Variants in CUX1 observed in about 807,000 individuals in gnomAD.
The protein encoded by CUX1 is cut like homeobox 1.
A neutral mutation model predicts 158.8 loss-of-function variants in CUX1; 31 were observed. The observed-to-expected ratio is 0.20, with a 90% confidence interval of 0.15 to 0.26. The LOEUF is 0.26. CUX1 is among the 10% of genes least tolerant of loss of function. CUX1 has a pLI of 1.00. For synonymous variants in CUX1, 879 were observed against 862.1 expected, an observed-to-expected ratio of 1.02 and a Z score of -0.34; for missense variants, 1,589 against 2,014.6, an observed-to-expected ratio of 0.79 and a Z score of 4.04.
downstream of CUX1, among the ~76,000 whole-genome samples, chr7:102,262,377 G>A (rs538793866): frequency 1.4e-4 from 7 of 50,742 alleles, no homozygotes; most frequent in South Asian, 6.2e-4. Flanking sequence ...CAGCCTGGGC[G>A]ACAAAGCAAG....
chr7:101,822,069 T>C (rs1026514349), intron 1 of CUX1, among the ~76,000 whole-genome samples: 18 of 152,002 alleles, frequency 1.2e-4, no homozygotes, highest in African/African-American at 3.1e-4. Flanking sequence ...TTAGCCAGGA[T>C]GGTCTCGATC....
chr7:101,823,604 G>A (rs1339069630), intron 1 of CUX1, among the ~76,000 whole-genome samples: 1 of 152,176 alleles, frequency 6.6e-6, no homozygotes, highest in Non-Finnish European at 1.5e-5. Flanking sequence ...GAAGTGGCTT[G>A]TTCTTTCTTG....
chr7:102,123,608 C>CAA (rs1248618884), intron 8 of CUX1, among the ~76,000 whole-genome samples: 22,120 of 88,176 alleles, frequency 0.25, 2,142 homozygotes, highest in Middle Eastern at 0.33. Flanking sequence ...GACTCCGTCT[C>CAA]AAAAAAAAAA....
Position 102,060,608 on chromosome 7 carries a change from A to ACACACACACAC in CUX1, c.190-9731_190-9730insCACACACACAC, listed in dbSNP as rs1824723298. Among the ~76,000 whole-genome samples the ACACACACACAC allele has an allele frequency of 5.1e-4, 68 of 133,304 alleles. 1 individual carries two copies. In the East Asian group the frequency reaches 6.0e-3, roughly 12 times the overall value. The allele number at this position is 133,304 out of a possible 152,430, so 87.5% of individuals were successfully genotyped here. On this transcript the variant is annotated intron_variant, in intron 3 of 23. Transcript: ENST00000292535. ...ATATATATATACACACACACAAATA[A>ACACACACACAC]ACACACACACACACACACACACACA...
chr7:102,206,672 G>GC (rs1554521360), intron 20 of CUX1, among the ~76,000 whole-genome samples: 1 of 152,168 alleles, frequency 6.6e-6, no homozygotes. Flanking sequence ...CGAGGTGGGT[G>GC]CATCACCTGA....
chr7:102,008,873 G>T (rs1463611818), intron 2 of CUX1, among the ~76,000 whole-genome samples: 2 of 152,166 alleles, frequency 1.3e-5, no homozygotes. Context: ...TTCCTGGTGG[G>T]CACAGATGTA....
chr7:102,060,138 C>T (rs1585468578), intron 3 of CUX1, among the ~76,000 whole-genome samples: 1 of 151,842 alleles, frequency 6.6e-6, no homozygotes, highest in Non-Finnish European at 1.5e-5. Context: ...AGTAGCTGGG[C>T]GTGGTAGTGG....
chr7:102,186,611 GC>G (rs1793656909), intron 11 of CUX1, among the ~76,000 whole-genome samples: 1 of 149,600 alleles, frequency 6.7e-6, no homozygotes, highest in Admixed American at 6.7e-5. Context: ...TTTTATTTAT[GC>G]CTATTTTTCA....
intron 2 of CUX1, among the ~76,000 whole-genome samples, chr7:102,017,348 ATTC>A (rs1818741077): frequency 6.6e-6 from 1 of 150,856 alleles, no homozygotes; most frequent in Non-Finnish European, 1.5e-5. Flanking sequence ...CTCTTCATTC[ATTC>A]AGTCCACAAG....
intron 3 of CUX1, among the ~76,000 whole-genome samples, chr7:102,065,613 C>T (rs750816265): frequency 3.9e-5 from 6 of 152,176 alleles, no homozygotes; most frequent in Non-Finnish European, 8.8e-5. Flanking sequence ...TTAAACTCAT[C>T]GGCCTGACCG....
intron 1 of CUX1, among the ~76,000 whole-genome samples, chr7:101,886,767 T>G (rs1214080147): frequency 2.0e-5 from 3 of 152,228 alleles, no homozygotes; most frequent in South Asian, 4.1e-4. Flanking sequence ...GGCCTGGCCT[T>G]TGGAGGAGGC....
chr7:102,071,569 C>T (rs750986417), intron 4 of CUX1, among the ~76,000 whole-genome samples: 6 of 152,030 alleles, frequency 3.9e-5, no homozygotes, highest in Non-Finnish European at 5.9e-5. Context: ...CCACCCATTA[C>T]AGTTGTGCCC....
intron 2 of CUX1, among the ~76,000 whole-genome samples, chr7:102,011,908 A>G (rs539294097): frequency 6.6e-6 from 1 of 151,814 alleles, no homozygotes; most frequent in South Asian, 2.1e-4. Context: ...CCCTGGGTTC[A>G]AGTGATTCTC....
intron 2 of CUX1, among the ~76,000 whole-genome samples, chr7:101,980,871 T>C (rs1165145182): frequency 1.3e-5 from 2 of 152,192 alleles, no homozygotes; most frequent in Non-Finnish European, 2.9e-5. Context: ...CTGCGCTTCC[T>C]GACTCCTCTC....
At chr7:102,058,224 CA>C (rs752598740) in intron 3 of CUX1, among the ~76,000 whole-genome samples, 4 of 152,120 alleles carry the variant, frequency 2.6e-5, no homozygotes, top group African/African-American at 4.8e-5. Context: ...ACTGGAAAAT[CA>C]AAAAATTTAT....
At chr7:102,141,002 G>T (rs1409945335) in intron 8 of CUX1, among the ~76,000 whole-genome samples, 1 of 152,044 alleles carries the variant, frequency 6.6e-6, no homozygotes, top group Non-Finnish European at 1.5e-5. Flanking sequence ...GTATTTTAGT[G>T]ATTAGACAGG....
chr7:102,189,786 A>G (rs1401055598), intron 11 of CUX1, 27 bp from the exon 12 acceptor site: 5 of 1,613,548 alleles, frequency 3.1e-6, no homozygotes, highest in African/African-American at 1.3e-5. Context: ...AGGCATGGCC[A>G]CTGATCAAAT....
At chr7:102,182,244 T>G (rs533499255) in intron 11 of CUX1, among the ~76,000 whole-genome samples, 3 of 152,352 alleles carry the variant, frequency 2.0e-5, no homozygotes, top group African/African-American at 7.2e-5. Context: ...TGACAGTCAC[T>G]TGGGGAGAGG....
chr7:101,894,941 T>A (rs1367025651), intron 1 of CUX1, among the ~76,000 whole-genome samples: 2 of 152,088 alleles, frequency 1.3e-5, no homozygotes, highest in Non-Finnish European at 2.9e-5. Context: ...AGTGCTGGGA[T>A]GGTGACCTCC....
Sources: gnomAD v4.1 joint callset for allele counts (sites outside exome capture counted in the v4.1 genomes callset) on GRCh38, gnomAD v4.1.1 for gene constraint, MANE v1.5 for transcripts, NCBI Gene and HGNC (gene_info 2026-07-23, HGNC 2026-07-21) for gene names.